SPATA7: variants seen among roughly 807,000 people sequenced by gnomAD.
SPATA7 encodes spermatogenesis associated 7.
A neutral mutation model predicts 51.8 loss-of-function variants in SPATA7; 43 were observed. The observed-to-expected ratio is 0.83, with a 90% CI of 0.65 to 1.07. The LOEUF is 1.07. SPATA7 is among the 50% of genes least tolerant of loss of function. The pLI is 0.00. For missense variants in SPATA7, 683 were observed against 701.3 expected (o/e 0.97, Z 0.30); for synonymous variants, 230 against 252.8 (o/e 0.91, Z 0.86).
At chr14:88,405,600 G>A (rs927501739) in intron 4 of SPATA7, among the ~76,000 whole-genome samples, 3 of 152,134 alleles carry the variant, frequency 2.0e-5, no homozygotes, top group Non-Finnish European at 2.9e-5. Context: ...AAGAGGATTG[G>A]GTCAAAAATG....
intron 3 of SPATA7, among the ~76,000 whole-genome samples, chr14:88,449,536 T>C (rs560590020): frequency 4.7e-4 from 71 of 152,332 alleles, no homozygotes; most frequent in Non-Finnish European, 9.3e-4. Context: ...TGCTGATTAA[T>C]GAATATATAC....
At chr14:88,409,064 A>C (rs926047217) in intron 4 of SPATA7, among the ~76,000 whole-genome samples, 1 of 151,640 alleles carries the variant, frequency 6.6e-6, no homozygotes, top group African/African-American at 2.4e-5. Context: ...TTGGCCTGAA[A>C]TTTTTTTTTC....
At chr14:88,411,699 C>T (rs1338265691) in intron 4 of SPATA7, among the ~76,000 whole-genome samples, 2 of 152,154 alleles carry the variant, frequency 1.3e-5, no homozygotes, top group African/African-American at 4.8e-5. Flanking sequence ...CCGTGGGCTG[C>T]ACATATACAG....
intron 10 of SPATA7, among the ~76,000 whole-genome samples, chr14:88,433,493 T>C (rs960412178): frequency 2.0e-5 from 3 of 152,174 alleles, no homozygotes; most frequent in African/African-American, 4.8e-5. Context: ...AAGGAAGATC[T>C]TTATCACTTA....
At chr14:88,424,224 A>G (rs1259594121) in intron 5 of SPATA7, among the ~76,000 whole-genome samples, 1 of 152,226 alleles carries the variant, frequency 6.6e-6, no homozygotes, top group Admixed American at 6.5e-5. Context: ...CTGCACAAAT[A>G]TCTTTATCCA....
At chr14:88,385,912 CA>C in intron 1 of SPATA7, 75 bp downstream of exon 1, 2 of 1,523,548 alleles carry the variant, frequency 1.3e-6, no homozygotes, top group Non-Finnish European at 1.8e-6. Context: ...CGGGTCCGGG[CA>C]GCTGAGTGCA....
At chr14:88,409,597 T>C (rs2076286964) in intron 4 of SPATA7, among the ~76,000 whole-genome samples, 1 of 152,192 alleles carries the variant, frequency 6.6e-6, no homozygotes, top group African/African-American at 2.4e-5. Flanking sequence ...CCTTCATTTC[T>C]GCTCTGATCT....
At chr14:88,432,380 G>T (rs2076965345) in intron 9 of SPATA7, among the ~76,000 whole-genome samples, 1 of 151,974 alleles carries the variant, frequency 6.6e-6, no homozygotes, top group Non-Finnish European at 1.5e-5. Context: ...CCTTATATTT[G>T]CTTATTCAGT....
chr14:88,390,954 T>C (rs1462958961), intron 1 of SPATA7, among the ~76,000 whole-genome samples: 1 of 152,254 alleles, frequency 6.6e-6, no homozygotes, highest in East Asian at 1.9e-4. Flanking sequence ...TTCATAGATA[T>C]TCTGACCTCA....
At chr14:88,451,344 A>G (rs183686051) in intron 3 of SPATA7, among the ~76,000 whole-genome samples, 14 of 151,554 alleles carry the variant, frequency 9.2e-5, no homozygotes, top group African/African-American at 2.9e-4. Flanking sequence ...TAATTTTTCT[A>G]TTTTTAGTAG....
At chr14:88,426,814 T>C (rs2076807805) in intron 6 of SPATA7, 110 bp downstream of exon 6, 9 of 960,600 alleles carry the variant, frequency 9.4e-6, no homozygotes, top group Non-Finnish European at 1.6e-6. Context: ...TAGTGCCCTT[T>C]TGATTGGAAT....
intron 4 of SPATA7, among the ~76,000 whole-genome samples, chr14:88,405,023 T>A (rs1464188890): frequency 3.3e-5 from 5 of 151,480 alleles, no homozygotes; most frequent in African/African-American, 9.7e-5. Context: ...TGACTGAGAG[T>A]CCCTTGGAGG....
At chr14:88,404,236 A>C (rs2076144567) in intron 4 of SPATA7, among the ~76,000 whole-genome samples, 1 of 152,202 alleles carries the variant, frequency 6.6e-6, no homozygotes, top group African/African-American at 2.4e-5. Flanking sequence ...TACTTTTTAA[A>C]GTATTGATAC....
Position 88,426,690 on chromosome 14 carries a change from C to A in SPATA7, c.831C>A (p.Thr277=), listed in dbSNP as rs1309684881. ...CAGATCAACGGATAGAAGCTGAAAC[C>A]CAGACTGAATTAAGGTATGACACAT... ...DFTDQRIEAE[T]QTELSFKSEL... The change falls in exon 6 of 12, where the codon ACC becomes ACA. Residue 277 remains threonine, a synonymous_variant. Transcript: ENST00000393545. The A allele has an allele frequency of 6.2e-7, 1 of 1,612,366 alleles. No homozygotes were observed. The highest frequency in any genetic ancestry group is 1.7e-4 in the Middle Eastern group (1 of 6,060).
At chr14:88,388,843 CTG>C (rs537362040) in intron 1 of SPATA7, among the ~76,000 whole-genome samples, 1 of 152,182 alleles carries the variant, frequency 6.6e-6, no homozygotes, top group Non-Finnish European at 1.5e-5. Flanking sequence ...CTCCCAAAGA[CTG>C]GGGTTCAGAC....
intron 4 of SPATA7, chr14:88,465,687 A>G (rs979296392): frequency 3.3e-5 from 5 of 152,220 alleles, no homozygotes; most frequent in African/African-American, 1.2e-4. Flanking sequence ...TAAGTTTGGC[A>G]GACATTAATA....
intron 5 of SPATA7, among the ~76,000 whole-genome samples, chr14:88,425,061 C>T (rs2076750826): frequency 2.0e-5 from 3 of 152,238 alleles, no homozygotes; most frequent in South Asian, 4.1e-4. Context: ...TGGCAAAGAA[C>T]ATGGGCTCTG....
chr14:88,434,697 AAAAAAG>A (rs1232872678), intron 10 of SPATA7, among the ~76,000 whole-genome samples: 7 of 151,780 alleles, frequency 4.6e-5, no homozygotes, highest in African/African-American at 1.2e-4. Flanking sequence ...GAAAAAAAAA[AAAAAAG>A]AAAAAGAAAA....
At chr14:88,400,015 A>G (rs1292857794) in intron 4 of SPATA7, among the ~76,000 whole-genome samples, 4 of 152,232 alleles carry the variant, frequency 2.6e-5, no homozygotes, top group African/African-American at 4.8e-5. Context: ...TTTATACCCT[A>G]TTGAAGAATA....
Sources: gnomAD v4.1 joint callset for allele counts (sites outside exome capture counted in the v4.1 genomes callset) on GRCh38, gnomAD v4.1.1 for gene constraint, MANE v1.5 for transcripts, NCBI Gene and HGNC (gene_info 2026-07-23, HGNC 2026-07-21) for gene names.